The following LOC400499 variants were observed in gnomAD, a reference collection of about 807,000 sequenced individuals.
chr16:11,420,745 G>T, the LOC400499 span, among the ~76,000 whole-genome samples: 44 of 151,970 alleles, frequency 2.9e-4, no homozygotes, highest in Non-Finnish European at 5.7e-4. Context: ...AGAATGAGCC[G>T]CGGCCCAGCC....
chr16:11,522,480 G>T, the LOC400499 span, among the ~76,000 whole-genome samples: 1 of 152,090 alleles, frequency 6.6e-6, no homozygotes, highest in Non-Finnish European at 1.5e-5. Flanking sequence ...CCCACAAGAT[G>T]CCAGTAACCC....
the LOC400499 span, among the ~76,000 whole-genome samples, chr16:11,453,844 G>C: frequency 6.6e-6 from 1 of 152,082 alleles, no homozygotes; most frequent in East Asian, 1.9e-4. Flanking sequence ...AGTTTGAAAA[G>C]AGAAACAGAG....
chr16:11,478,019 A>G, the LOC400499 span: 15 of 398,514 alleles, frequency 3.8e-5, no homozygotes, highest in East Asian at 4.6e-4. Context: ...CAGCCAAGAA[A>G]TGATAAGCGG....
At chr16:11,412,196 C>T in the LOC400499 span, among the ~76,000 whole-genome samples, 1 of 152,178 alleles carries the variant, frequency 6.6e-6, no homozygotes, top group Non-Finnish European at 1.5e-5. Flanking sequence ...CAGGGTGCTA[C>T]ACCCTCTTGT....
At chr16:11,513,650 C>T in the LOC400499 span, among the ~76,000 whole-genome samples, 16 of 152,030 alleles carry the variant, frequency 1.1e-4, no homozygotes, top group East Asian at 1.4e-3. Flanking sequence ...AGGCTGGTCT[C>T]GAACTCCTGA....
At chr16:11,476,100 C>A in the LOC400499 span, among the ~76,000 whole-genome samples, 4 of 146,402 alleles carry the variant, frequency 2.7e-5, no homozygotes, top group African/African-American at 1.0e-4. Flanking sequence ...GGGGTAGGAA[C>A]AAGTTGGCTG....
chr16:11,498,202 C>T, the LOC400499 span, among the ~76,000 whole-genome samples: 3 of 152,158 alleles, frequency 2.0e-5, no homozygotes, highest in Non-Finnish European at 4.4e-5. Flanking sequence ...TTAAGAAGGC[C>T]GGGCGCAGTG....
the LOC400499 span, among the ~76,000 whole-genome samples, chr16:11,410,746 T>C: frequency 3.3e-5 from 5 of 152,358 alleles, no homozygotes; most frequent in African/African-American, 1.2e-4. Context: ...CTGGGCCCTG[T>C]GCCAGGCACT....
At chr16:11,502,069 G>T in the LOC400499 span, 1 of 399,096 alleles carries the variant, frequency 2.5e-6, no homozygotes, top group South Asian at 1.3e-4. Context: ...CCCGGAGAGG[G>T]ACCTTACCCA....
the LOC400499 span, among the ~76,000 whole-genome samples, chr16:11,412,361 T>C: frequency 6.6e-6 from 1 of 152,196 alleles, no homozygotes. Flanking sequence ...CTCCCCACTG[T>C]AGCAACCAGA....
At chr16:11,433,668 G>A in the LOC400499 span, among the ~76,000 whole-genome samples, 6,058 of 152,258 alleles carry the variant, frequency 0.04, 164 homozygotes, top group Non-Finnish European at 0.062. Flanking sequence ...GGAACTTTCA[G>A]CCCCACATCC....
At chr16:11,470,261 C>A in the LOC400499 span, among the ~76,000 whole-genome samples, 1 of 152,106 alleles carries the variant, frequency 6.6e-6, no homozygotes, top group Non-Finnish European at 1.5e-5. Flanking sequence ...CTTCTGCAAG[C>A]TCTGCACTTC....
the LOC400499 span, among the ~76,000 whole-genome samples, chr16:11,501,751 G>A: frequency 6.6e-6 from 1 of 152,036 alleles, no homozygotes; most frequent in Non-Finnish European, 1.5e-5. Context: ...CAGCAGGAGG[G>A]TACCCTAGGT....
the LOC400499 span, among the ~76,000 whole-genome samples, chr16:11,498,085 A>G: frequency 6.6e-6 from 1 of 152,218 alleles, no homozygotes; most frequent in Non-Finnish European, 1.5e-5. Context: ...CTGGGAGAAG[A>G]CAAGCCAGGA....
At chr16:11,443,330 CAAAAAAAAAA>C in the LOC400499 span, 1,415 of 259,308 alleles carry the variant, frequency 5.5e-3, 1 homozygote, top group South Asian at 5.7e-3. Flanking sequence ...TCCTCAGTCT[CAAAAAAAAAA>C]AAAAAAAAAA....
At chr16:11,391,777 C>T in the LOC400499 span, 1 of 1,232,260 alleles carries the variant, frequency 8.1e-7, no homozygotes, top group Non-Finnish European at 1.0e-6. Flanking sequence ...ACTGCCCAAC[C>T]ACTCGCCTGC....
chr16:11,457,091 C>T, the LOC400499 span: 17 of 1,464,128 alleles, frequency 1.2e-5, no homozygotes, highest in South Asian at 4.1e-5. Context: ...CCACCCCTGG[C>T]GTAGAATGTG....
At chr16:11,423,037 G>A in the LOC400499 span, 5 of 397,332 alleles carry the variant, frequency 1.3e-5, no homozygotes, top group South Asian at 5.5e-4. Context: ...TTTTGAAGGA[G>A]GGGGACCATG....
chr16:11,396,785 A>G, the LOC400499 span: 1 of 889,348 alleles, frequency 1.1e-6, no homozygotes. Flanking sequence ...CAGCCTCCAC[A>G]CCTGTCGCAG....
Sources: allele counts gnomAD v4.1 joint callset (sites outside exome capture counted in the v4.1 genomes callset), GRCh38; gene constraint gnomAD v4.1.1; transcripts MANE v1.5.